The following MCM9 variants were observed in gnomAD, a reference collection of about 807,000 sequenced individuals.
MCM9 encodes minichromosome maintenance 9 homologous recombination repair factor, also known as DNA helicase MCM9.
In MCM9, 55 loss-of-function variants were observed where a neutral mutation model predicts 72.8. That is an observed-to-expected ratio of 0.76 (90% CI 0.61 to 0.95). The LOEUF (loss-of-function observed/expected upper bound fraction) is 0.95, where lower values mean the gene tolerates loss of function less well. MCM9 is among the 40% of genes least tolerant of loss of function. MCM9 has a pLI of 0.00. For missense variants in MCM9, 1,279 were observed against 1,377.0 expected, an observed-to-expected ratio of 0.93 and a Z score of 1.13; for synonymous variants, 480 against 503.4, an observed-to-expected ratio of 0.95 and a Z score of 0.62.
chr6:118,876,566 A>G (rs1777944607), intron 8 of MCM9, among the ~76,000 whole-genome samples: 1 of 152,224 alleles, frequency 6.6e-6, no homozygotes, highest in African/African-American at 2.4e-5. Context: ...TTAATTAATA[A>G]GCAAAAACTG....
intron 6 of MCM9, among the ~76,000 whole-genome samples, chr6:118,916,027 G>C (rs777336500): frequency 6.6e-6 from 1 of 152,002 alleles, no homozygotes; most frequent in Non-Finnish European, 1.5e-5. Context: ...GTCCAAGGAA[G>C]AGTTACAAAT....
intron 9 of MCM9, among the ~76,000 whole-genome samples, chr6:118,850,483 G>C (rs984632884): frequency 2.0e-5 from 3 of 151,792 alleles, no homozygotes; most frequent in African/African-American, 7.3e-5. Context: ...TTGTATCAGA[G>C]ACGACAGTTA....
chr6:118,913,165 G>T, intron 7 of MCM9, 130 bp downstream of exon 7: 1 of 1,041,424 alleles, frequency 9.6e-7, no homozygotes, highest in Non-Finnish European at 1.4e-6. Flanking sequence ...AAGATATTCA[G>T]ACAACTGTCA....
intron 8 of MCM9, among the ~76,000 whole-genome samples, chr6:118,859,845 G>A (rs1458971889): frequency 6.6e-6 from 1 of 152,150 alleles, no homozygotes; most frequent in African/African-American, 2.4e-5. Context: ...CTGGAAGAAG[G>A]GCAATATCCA....
intron 9 of MCM9, among the ~76,000 whole-genome samples, chr6:118,849,461 T>C (rs1007771714): frequency 4.6e-5 from 7 of 151,560 alleles, no homozygotes; most frequent in Non-Finnish European, 8.8e-5. Context: ...GTGTATAATA[T>C]ATATACATTA....
intron 8 of MCM9, among the ~76,000 whole-genome samples, chr6:118,878,032 C>T (rs1447567175): frequency 6.6e-6 from 1 of 151,992 alleles, no homozygotes; most frequent in Admixed American, 6.6e-5. Flanking sequence ...CATGGTGGTG[C>T]ATGACTGTAA....
At chr6:118,825,171 A>G (rs1774080650) in intron 13 of MCM9, among the ~76,000 whole-genome samples, 1 of 152,162 alleles carries the variant, frequency 6.6e-6, no homozygotes, top group South Asian at 2.1e-4. Context: ...GAAAAGAATC[A>G]GCTACATCAA....
intron 13 of MCM9, among the ~76,000 whole-genome samples, chr6:118,822,307 T>G (rs534249139): frequency 6.6e-6 from 1 of 152,290 alleles, no homozygotes; most frequent in South Asian, 2.1e-4. Flanking sequence ...GGTTTTTGTG[T>G]GGGGGCCCTT....
At chr6:118,847,261 G>A (rs867717657) in intron 9 of MCM9, among the ~76,000 whole-genome samples, 3 of 151,612 alleles carry the variant, frequency 2.0e-5, no homozygotes, top group Middle Eastern at 3.4e-3. Context: ...TCATAAAGAT[G>A]GAAACAACAA....
intron 8 of MCM9, among the ~76,000 whole-genome samples, chr6:118,899,499 T>C (rs899150795): frequency 1.3e-5 from 2 of 152,052 alleles, no homozygotes; most frequent in Non-Finnish European, 2.9e-5. Context: ...TTCCTCTCTA[T>C]CTCCATCAAC....
At position 118,915,825 on chromosome 6, in the gene MCM9, T is replaced by C. The variant is rs147780296; in HGVS notation, c.904+1736A>G. The stretch of plus-strand genomic sequence containing the variant: ...CTACTTATATTTCTCACAAGACTAT[T>C]ATATTTACTTCTGCCTTTTATCCAA... On this transcript the variant is annotated intron_variant, in intron 6 of 13. Coordinates refer to ENST00000619706, the MANE Select transcript of MCM9 (RefSeq NM_017696.3). Among the ~76,000 whole-genome samples the C allele has an allele frequency of 5.4e-4, 82 of 152,324 alleles. 1 individual carries two copies. The East Asian group carries it at 0.015, about 29-fold the overall frequency.
chr6:118,917,770 A>C lies in MCM9; in HGVS notation c.704-9T>G. 6.2e-7 allele frequency: 1 copy of C among 1,613,734 alleles called. No individual in the cohort carries two copies. The highest frequency in any genetic ancestry group is 8.5e-7 in the Non-Finnish European group (1 of 1,179,644). Reference sequence around the variant, plus strand: ...AATAGTGAGGTCATCACCTAGGAAAAAGCATCAAGTGAGTCCAGCAGTAGC... The same window carrying C: ...AATAGTGAGGTCATCACCTAGGAAACAGCATCAAGTGAGTCCAGCAGTAGC... On this transcript the variant is annotated splice_polypyrimidine_tract_variant and intron_variant, in intron 5 of 13. Coordinates refer to ENST00000619706, the MANE Select transcript of MCM9 (RefSeq NM_017696.3).
At chr6:118,841,435 T>G (rs1775359074) in intron 9 of MCM9, among the ~76,000 whole-genome samples, 2 of 152,128 alleles carry the variant, frequency 1.3e-5, no homozygotes, top group African/African-American at 2.4e-5. Context: ...CAGATACAGC[T>G]TCATAAGATC....
chr6:118,915,336 A>T (rs1780851399), intron 6 of MCM9, among the ~76,000 whole-genome samples: 2 of 152,066 alleles, frequency 1.3e-5, no homozygotes, highest in South Asian at 4.1e-4. Context: ...CTAGTTATCT[A>T]CTCTTGTGTG....
chr6:118,824,217 C>T (rs889679193), intron 13 of MCM9, among the ~76,000 whole-genome samples: 1 of 152,170 alleles, frequency 6.6e-6, no homozygotes, highest in Admixed American at 6.5e-5. Flanking sequence ...TTCAAAATTA[C>T]TACTACCTAG....
intron 9 of MCM9, among the ~76,000 whole-genome samples, 186 bp downstream of exon 9, chr6:118,856,185 C>T (rs191977748): frequency 1.5e-4 from 23 of 152,278 alleles, no homozygotes; most frequent in Non-Finnish European, 2.4e-4. Flanking sequence ...CCCAATAGCT[C>T]ATTTTTATTT....
At chr6:118,916,520 G>A (rs1023651474) in intron 6 of MCM9, among the ~76,000 whole-genome samples, 4 of 150,402 alleles carry the variant, frequency 2.7e-5, no homozygotes, top group Non-Finnish European at 5.9e-5. Context: ...CTGCAGTGGC[G>A]CGATCTTGGC....
chr6:118,872,598 T>TTC (rs1219617568), intron 8 of MCM9, among the ~76,000 whole-genome samples: 9 of 151,984 alleles, frequency 5.9e-5, no homozygotes, highest in Non-Finnish European at 1.3e-4. Flanking sequence ...TACTCCAGCC[T>TTC]GAACAATACA....
chr6:118,866,831 A>G (rs1777246872), intron 8 of MCM9, among the ~76,000 whole-genome samples: 1 of 152,206 alleles, frequency 6.6e-6, no homozygotes, highest in Non-Finnish European at 1.5e-5. Flanking sequence ...GGAAGCCCAA[A>G]CAATACCAAA....
Sources: gnomAD v4.1 joint callset for allele counts (sites outside exome capture counted in the v4.1 genomes callset) on GRCh38, gnomAD v4.1.1 for gene constraint, MANE v1.5 for transcripts, NCBI Gene and HGNC (gene_info 2026-07-23, HGNC 2026-07-21) for gene names.